NMB: variants seen among roughly 807,000 people sequenced by gnomAD.
The protein encoded by NMB is neuromedin B.
NMB carries 12 observed loss-of-function variants against 11.7 expected under a neutral mutation model. That is an observed-to-expected ratio of 1.03 (90% confidence interval 0.66 to 1.66). The LOEUF (loss-of-function observed/expected upper bound fraction) is 1.66. NMB is among the 40% of genes most tolerant of loss of function. NMB has a pLI of 0.00. For synonymous variants in NMB, 76 were observed against 72.6 expected (o/e 1.05, Z -0.24); for missense variants, 174 against 157.9 (o/e 1.10, Z -0.55).
In NMB at chr15:84,658,075, CGGGGCG is replaced by C; in HGVS notation, c.72_77del (p.Ala25_Pro26del). The C allele has an allele frequency of 6.3e-7, 1 of 1,583,476 alleles. No individual in the cohort carries two copies. Among genetic ancestry groups the C allele is most frequent in the South Asian group, 1.1e-5 (1 of 89,116 alleles). The stretch of plus-strand genomic sequence containing the variant: ...GGGGCTCCGGGAGATCCCAGCTGAG[CGGGGCG>C]ACGCCGGCAGCGAGCAGGGCGAAGA... On this transcript the variant is annotated inframe_deletion, in exon 1 of 3. Transcript: ENST00000360476.
chr15:84,656,351 C>T (rs117836980), intron 2 of NMB, among the ~76,000 whole-genome samples: 1 of 151,894 alleles, frequency 6.6e-6, no homozygotes, highest in Admixed American at 6.6e-5. Context: ...GAAGGAGTTG[C>T]CACTCAGCGG....
chr15:84,658,036 G>C lies in NMB; in HGVS notation c.117C>G (p.Ser39Arg). The C allele has an allele frequency of 6.3e-7, 1 of 1,596,108 alleles. No homozygotes were observed. The highest frequency in any genetic ancestry group is 1.1e-5 in the South Asian group (1 of 90,086). ...TGCCTCGCGAGTGCACTCGGATCTT[G>C]CTGGCTCGGCTGCGGGGCTCCGGGA... ...WDLPEPRSRA[S>R]KIRVHSRGNL... is the part of the protein sequence containing the mutation. Residue 39 changes from serine (S) to arginine (R), a missense_variant, in exon 1 of 3, where the codon AGC becomes AGG. Physicochemically the swap from Ser to Arg is moderately radical, Grantham distance 110. Coordinates refer to ENST00000360476, the MANE Select transcript of NMB (RefSeq NM_021077.4).
chr15:84,656,467 C>G (rs1165029599), intron 2 of NMB, among the ~76,000 whole-genome samples: 2 of 150,718 alleles, frequency 1.3e-5, no homozygotes, highest in Non-Finnish European at 2.9e-5. Flanking sequence ...CAGCAGACAT[C>G]TGGTGATGTC....
In NMB at chr15:84,657,256, GC is replaced by G; in HGVS notation, c.249del (p.Gln83HisfsTer2). ...AGGATTCCGAGCAGATCATGACTCA[GC>G]TGCAGTCGCTGGTCCCTCAGGGAGG... ...PHTSLRDQRL[Q>X]LSHDLLGILL... On this transcript the variant is annotated frameshift_variant, in exon 2 of 3. Transcript: ENST00000360476. LOFTEE classifies it high-confidence loss of function. The G allele has an allele frequency of 6.2e-7, 1 of 1,609,370 alleles. No individual in the cohort carries two copies. The highest frequency in any genetic ancestry group is 8.5e-7 in the Non-Finnish European group (1 of 1,178,042).
In NMB at chr15:84,655,334, C is replaced by A. The variant is rs752861817; in HGVS notation, c.*40G>T. ...ATTCAGCACCTTCCCTGGGTGGGCA[C>A]AATCTAAGCCACGCTGTTGTGTCTG... On this transcript the variant is annotated 3_prime_UTR_variant, in exon 3 of 3. Coordinates refer to ENST00000360476, the MANE Select transcript of NMB (RefSeq NM_021077.4). The A allele has an allele frequency of 3.1e-6, 5 of 1,614,050 alleles. No individual in the cohort carries two copies. The African/African-American group carries it at 6.7e-5, about 22-fold the overall frequency.
chr15:84,655,373 G>A lies in NMB; in HGVS notation c.*1C>T. 6.2e-7 allele frequency: 1 copy of A among 1,614,232 alleles called. No homozygotes were observed. Among genetic ancestry groups the A allele is most frequent in the South Asian group, 1.1e-5 (1 of 91,084 alleles). Reference sequence around the variant, plus strand: ...CTGTTGTGTCTGCCCCATTATTGGTGTCATTTCTGCAGTATTTGTACCAGC... The same window carrying A: ...CTGTTGTGTCTGCCCCATTATTGGTATCATTTCTGCAGTATTTGTACCAGC... On this transcript the variant is annotated 3_prime_UTR_variant, in exon 3 of 3. Coordinates refer to ENST00000360476, the MANE Select transcript of NMB (RefSeq NM_021077.4).
At chr15:84,657,130 G>T (rs764091681) in intron 2 of NMB, 46 bp downstream of exon 2, 37 of 1,567,668 alleles carry the variant, frequency 2.4e-5, no homozygotes, top group Non-Finnish European at 3.2e-5. Flanking sequence ...ATCCGGGGAT[G>T]GCCCCAGCTG....
In NMB at chr15:84,655,201, T is replaced by C; in HGVS notation, c.*173A>G. ...GGAAATACAGCAGGAACATAATCTGTGTCTGCATCAGCGATATTTCTGGTG... is the reference window on the plus strand; with the variant it reads ...GGAAATACAGCAGGAACATAATCTGCGTCTGCATCAGCGATATTTCTGGTG... On this transcript the variant is annotated 3_prime_UTR_variant, in exon 3 of 3. Coordinates refer to ENST00000360476, the MANE Select transcript of NMB (RefSeq NM_021077.4). 5 of 1,500,768 alleles carry C rather than the reference T, an allele frequency of 3.3e-6. No individual in the cohort carries two copies. The highest frequency in any genetic ancestry group is 3.6e-6 in the Non-Finnish European group (4 of 1,109,440). The allele number at this position is 1,500,768 out of a possible 1,614,324, so 93.0% of individuals were successfully genotyped here.
chr15:84,655,154 T>C lies in NMB; in HGVS notation c.*220A>G. On this transcript the variant is annotated 3_prime_UTR_variant, in exon 3 of 3. Transcript: ENST00000360476. ...TTGTATGTAAAGAGCAAGGTTTTAT[T>C]CACCAATTCAACAGGGAAGCAGGAA... The C allele has an allele frequency of 1.6e-6, 2 of 1,247,140 alleles. No individual in the cohort carries two copies. The highest frequency in any genetic ancestry group is 2.2e-6 in the Non-Finnish European group (2 of 896,706). 77.3% of individuals were successfully genotyped at this position (1,247,140 alleles called of 1,614,324 possible).
In NMB at chr15:84,655,273, G is replaced by A; in HGVS notation, c.*101C>T. 6.2e-7 allele frequency: 1 copy of A among 1,602,560 alleles called. No homozygotes were observed. The highest frequency in any genetic ancestry group is 8.5e-7 in the Non-Finnish European group (1 of 1,173,912). Reference sequence around the variant, plus strand: ...ATGGAGTAACAGAGATTTGAGCTCAGGATTTACATCCAGATGGGGCCATCA... The same window carrying A: ...ATGGAGTAACAGAGATTTGAGCTCAAGATTTACATCCAGATGGGGCCATCA... On this transcript the variant is annotated 3_prime_UTR_variant, in exon 3 of 3. Transcript: ENST00000360476.
chr15:84,655,634 C>T (rs1278110082), intron 2 of NMB, among the ~76,000 whole-genome samples: 1 of 152,134 alleles, frequency 6.6e-6, no homozygotes, highest in African/African-American at 2.4e-5. Flanking sequence ...CAAAGAAGAT[C>T]GTGGAAGAAA....
At chr15:84,655,520 TGTCAGCTGAGGCAGG>T in intron 2 of NMB, 111 bp from the exon 3 acceptor site, 1 of 1,425,608 alleles carries the variant, frequency 7.0e-7, no homozygotes, top group Non-Finnish European at 9.8e-7. Context: ...ACCAGCAGGC[TGTCAGCTGAGGCAGG>T]CCCCAGAGCA....
At chr15:84,655,988 G>A (rs1292080629) in intron 2 of NMB, among the ~76,000 whole-genome samples, 1 of 152,086 alleles carries the variant, frequency 6.6e-6, no homozygotes, top group African/African-American at 2.4e-5. Context: ...AGGCACACTG[G>A]GGGATATGAA....
chr15:84,657,892 T>G (rs1358891820), intron 1 of NMB, 104 bp downstream of exon 1: 10 of 1,334,230 alleles, frequency 7.5e-6, no homozygotes, highest in Non-Finnish European at 9.9e-6. Flanking sequence ...TTCCACCTGC[T>G]CCGACACTAG....
intron 2 of NMB, among the ~76,000 whole-genome samples, chr15:84,656,148 T>C (rs1482611098): frequency 6.6e-6 from 1 of 152,200 alleles, no homozygotes; most frequent in Non-Finnish European, 1.5e-5. Context: ...CTTCATTTTA[T>C]GGGTGAAGAA....
At position 84,655,189 on chromosome 15, in the gene NMB, G is replaced by T. The variant is rs1048220271; in HGVS notation, c.*185C>A. On this transcript the variant is annotated 3_prime_UTR_variant, in exon 3 of 3. Transcript: ENST00000360476. ...AACAGGGAAGCAGGAAATACAGCAGGAACATAATCTGTGTCTGCATCAGCG... is the reference window on the plus strand; with the variant it reads ...AACAGGGAAGCAGGAAATACAGCAGTAACATAATCTGTGTCTGCATCAGCG... 5 of 1,439,332 alleles carry T rather than the reference G, an allele frequency of 3.5e-6. No homozygotes were observed. In the African/African-American group the frequency reaches 5.7e-5, roughly 16 times the overall value. The allele number at this position is 1,439,332 out of a possible 1,614,324, so 89.2% of individuals were successfully genotyped here.
chr15:84,657,455 C>G (rs1896798842), intron 1 of NMB, 107 bp from the exon 2 acceptor site: 1 of 1,071,232 alleles, frequency 9.3e-7, no homozygotes, highest in African/African-American at 1.7e-5. Flanking sequence ...CGGGAAGACA[C>G]TTAACCTTCC....
intron 1 of NMB, among the ~76,000 whole-genome samples, chr15:84,657,570 T>C (rs1458695215): frequency 6.6e-6 from 1 of 152,170 alleles, no homozygotes; most frequent in Non-Finnish European, 1.5e-5. Context: ...ATGGCACAGC[T>C]GGCAGGAAGG....
intron 2 of NMB, among the ~76,000 whole-genome samples, 192 bp from the exon 3 acceptor site, chr15:84,655,601 C>T (rs2141851698): frequency 6.6e-6 from 1 of 152,258 alleles, no homozygotes; most frequent in East Asian, 1.9e-4. Flanking sequence ...ACAGCCCCAA[C>T]CACCCAGGGT....
Sources: gnomAD v4.1 joint callset for allele counts (sites outside exome capture counted in the v4.1 genomes callset) on GRCh38, gnomAD v4.1.1 for gene constraint, MANE v1.5 for transcripts, NCBI Gene and HGNC (gene_info 2026-07-23, HGNC 2026-07-21) for gene names.